DPP6: variants seen among roughly 807,000 people sequenced by gnomAD.
DPP6 encodes the protein A-type potassium channel modulatory protein DPP6.
DPP6 carries 69 observed loss-of-function variants against 122.6 expected under a neutral mutation model. That is an observed-to-expected ratio of 0.56 (90% CI 0.46 to 0.69). DPP6 has a LOEUF of 0.69. DPP6 is among the 30% of genes least tolerant of loss of function. The pLI is 0.00. For missense variants in DPP6, 928 were observed against 1,116.9 expected, an observed-to-expected ratio of 0.83 and a Z score of 2.41; for synonymous variants, 418 against 433.1, an observed-to-expected ratio of 0.97 and a Z score of 0.43.
intron 5 of DPP6, among the ~76,000 whole-genome samples, chr7:154,627,260 A>ATC (rs979614609): frequency 1.4e-5 from 2 of 139,746 alleles, no homozygotes; most frequent in African/African-American, 5.4e-5. Context: ...CAGTGGCGCG[A>ATC]TCTCGGCTTA....
At chr7:154,415,736 C>T (rs1816962401) in intron 1 of DPP6, among the ~76,000 whole-genome samples, 1 of 148,500 alleles carries the variant, frequency 6.7e-6, no homozygotes, top group African/African-American at 2.5e-5. Context: ...CTAGAATGCC[C>T]CATTTTCTGG....
chr7:154,321,141 G>T (rs1190373832), intron 1 of DPP6, among the ~76,000 whole-genome samples: 1 of 152,070 alleles, frequency 6.6e-6, no homozygotes, highest in African/African-American at 2.4e-5. Context: ...AAATTAGCAG[G>T]TGGTGCATGC....
chr7:153,967,779 G>T (rs1306769324), intron 1 of DPP6, among the ~76,000 whole-genome samples: 1 of 151,998 alleles, frequency 6.6e-6, no homozygotes, highest in Non-Finnish European at 1.5e-5. Flanking sequence ...GTCTAGGGTT[G>T]CTAGAGTTTA....
At chr7:153,900,970 A>G (rs1799619415) in intron 1 of DPP6, among the ~76,000 whole-genome samples, 1 of 152,162 alleles carries the variant, frequency 6.6e-6, no homozygotes, top group African/African-American at 2.4e-5. Context: ...GAGTTTTGTT[A>G]TTAAGGAAGA....
At chr7:153,879,240 G>A in the DPP6 span, among the ~76,000 whole-genome samples, 321 of 152,248 alleles carry the variant, frequency 2.1e-3, no homozygotes, top group African/African-American at 7.2e-3. Context: ...AGAAGTGTTC[G>A]TTACCTGGGT....
At chr7:154,787,326 A>T (rs12540514) in intron 10 of DPP6, among the ~76,000 whole-genome samples, 39,501 of 151,968 alleles carry the variant, frequency 0.26, 5,594 homozygotes, top group East Asian at 0.38. Context: ...GGGTTTTTTT[A>T]AAAAAATGAT....
intron 5 of DPP6, among the ~76,000 whole-genome samples, chr7:154,574,513 GT>G (rs1831358680): frequency 7.2e-6 from 1 of 139,830 alleles, no homozygotes; most frequent in African/African-American, 2.7e-5. Context: ...TGTATGTGTG[GT>G]GTGGTGTATA....
At chr7:154,407,777 A>G (rs1001974209) in intron 1 of DPP6, among the ~76,000 whole-genome samples, 14 of 152,176 alleles carry the variant, frequency 9.2e-5, no homozygotes, top group African/African-American at 2.7e-4. Flanking sequence ...CATGGTTCTC[A>G]GCACTTCCTA....
At chr7:153,863,553 T>C in the DPP6 span, among the ~76,000 whole-genome samples, 1 of 152,206 alleles carries the variant, frequency 6.6e-6, no homozygotes, top group Non-Finnish European at 1.5e-5. Context: ...CCTGAGCAAT[T>C]GGTTAAGACT....
chr7:153,827,057 T>C, the DPP6 span, among the ~76,000 whole-genome samples: 12,103 of 152,068 alleles, frequency 0.08, 589 homozygotes, highest in Non-Finnish European at 0.098. Context: ...TTGAAGACCA[T>C]GTTTGAAAAG....
the DPP6 span, among the ~76,000 whole-genome samples, chr7:153,752,567 G>A: frequency 6.6e-6 from 1 of 151,120 alleles, no homozygotes; most frequent in Non-Finnish European, 1.5e-5. Flanking sequence ...CTTTTTACAT[G>A]GTCGCCTCTC....
chr7:153,923,950 G>A (rs7805896), intron 1 of DPP6, among the ~76,000 whole-genome samples: 94,860 of 151,654 alleles, frequency 0.63, 30,073 homozygotes, highest in African/African-American at 0.72. Context: ...GCCATGCTAT[G>A]GTTTAAATAT....
At position 154,602,310 on chromosome 7, in the gene DPP6, C is replaced by A. The variant is rs561888206; in HGVS notation, c.627+35394C>A. Among the ~76,000 whole-genome samples, 15 of 121,112 alleles carry A rather than the reference C, an allele frequency of 1.2e-4. 2 individuals are homozygous for A. Among genetic ancestry groups the A allele is most frequent in the African/African-American group, 3.9e-4 (15 of 38,128 alleles). 79.5% of individuals were successfully genotyped at this position (121,112 alleles called of 152,430 possible). A position where few individuals can be genotyped will look rare whatever the true frequency, so the allele number is the denominator to read the frequency against. On this transcript the variant is annotated intron_variant, in intron 5 of 25. Coordinates refer to ENST00000377770, the MANE Select transcript of DPP6 (RefSeq NM_130797.4). ...TGATATTTTGTTGTTCATTTCATTTCTACATATGTTTAAATCCCATAATAC... is the reference window on the plus strand; with the variant it reads ...TGATATTTTGTTGTTCATTTCATTTATACATATGTTTAAATCCCATAATAC...
chr7:154,807,193 G>C, intron 16 of DPP6, 81 bp downstream of exon 16: 1 of 1,551,114 alleles, frequency 6.4e-7, no homozygotes, highest in Admixed American at 1.8e-5. Flanking sequence ...TTGCAGGGAG[G>C]GGGCAGCGGC....
intron 1 of DPP6, among the ~76,000 whole-genome samples, chr7:154,111,620 CGTGTGTGTGTGT>C (rs71309604): frequency 8.9e-5 from 12 of 135,004 alleles, no homozygotes; most frequent in East Asian, 4.4e-4. Flanking sequence ...GGCAGGGTTT[CGTGTGTGTGTGT>C]GTGTGTGTGT....
intron 16 of DPP6, among the ~76,000 whole-genome samples, chr7:154,824,970 A>G (rs1800046910): frequency 6.6e-6 from 1 of 152,262 alleles, no homozygotes; most frequent in Admixed American, 6.5e-5. Context: ...CAGTTCTTCC[A>G]GTATTTCAGC....
chr7:154,553,119 A>G (rs1829753804), intron 4 of DPP6, among the ~76,000 whole-genome samples: 1 of 152,250 alleles, frequency 6.6e-6, no homozygotes, highest in African/African-American at 2.4e-5. Flanking sequence ...TGTAGAAGGT[A>G]AAGATTATAA....
At chr7:154,160,810 C>A (rs558895944) in intron 1 of DPP6, among the ~76,000 whole-genome samples, 1 of 152,172 alleles carries the variant, frequency 6.6e-6, no homozygotes, top group South Asian at 2.1e-4. Context: ...GTTCTGTCAC[C>A]TTGGCGATGA....
intron 1 of DPP6, among the ~76,000 whole-genome samples, chr7:154,287,558 G>A (rs1265810614): frequency 6.6e-6 from 1 of 152,192 alleles, no homozygotes; most frequent in Non-Finnish European, 1.5e-5. Context: ...CTGTCTCAAT[G>A]AGAAGAAAAA....
Sources: allele counts gnomAD v4.1 joint callset (sites outside exome capture counted in the v4.1 genomes callset), GRCh38; gene constraint gnomAD v4.1.1; transcripts MANE v1.5; gene names NCBI Gene and HGNC (gene_info 2026-07-23, HGNC 2026-07-21).